Variants in JARID2 observed in about 807,000 individuals in gnomAD.
The protein encoded by JARID2 is jumonji and AT-rich interaction domain containing 2.
In JARID2, 21 loss-of-function variants were observed where a neutral mutation model predicts 125.6. The ratio of observed to expected loss-of-function variants is 0.17; its 90% CI spans 0.12 to 0.24. The LOEUF is 0.24. JARID2 is among the 10% of genes least tolerant of loss of function. The probability of loss-of-function intolerance (pLI) is 1.00; values close to 1 mark genes in which losing one functional copy is unlikely to be tolerated. For synonymous variants in JARID2, 736 were observed against 661.6 expected (o/e 1.11, Z -1.73); for missense variants, 1,303 against 1,639.6 (o/e 0.79, Z 3.55).
intron 1 of JARID2, among the ~76,000 whole-genome samples, chr6:15,298,844 T>C (rs985757170): frequency 1.3e-5 from 2 of 152,034 alleles, no homozygotes; most frequent in Non-Finnish European, 2.9e-5. Context: ...CTCAGTATAG[T>C]TTACATCTTT....
intron 3 of JARID2, among the ~76,000 whole-genome samples, chr6:15,422,358 C>T (rs1018145384): frequency 6.6e-6 from 1 of 152,146 alleles, no homozygotes; most frequent in Non-Finnish European, 1.5e-5. Flanking sequence ...GGAAATCTTC[C>T]AAGTGTGGGA....
At chr6:15,321,658 T>A (rs1051004979) in intron 1 of JARID2, among the ~76,000 whole-genome samples, 3 of 152,152 alleles carry the variant, frequency 2.0e-5, no homozygotes, top group Non-Finnish European at 4.4e-5. Context: ...TGACTCTTCT[T>A]TGGGTCAGTG....
At chr6:15,348,217 G>C (rs1051312364) in intron 1 of JARID2, among the ~76,000 whole-genome samples, 1 of 151,196 alleles carries the variant, frequency 6.6e-6, no homozygotes, top group African/African-American at 2.4e-5. Context: ...TCAGCCTCCC[G>C]AATAGCTGGG....
chr6:15,433,713 C>G (rs1158114108), intron 3 of JARID2, among the ~76,000 whole-genome samples: 1 of 152,150 alleles, frequency 6.6e-6, no homozygotes, highest in Non-Finnish European at 1.5e-5. Context: ...ACATCAATTG[C>G]ATCATACAGG....
intron 1 of JARID2, among the ~76,000 whole-genome samples, chr6:15,290,935 T>A (rs1761184482): frequency 6.6e-6 from 1 of 152,006 alleles, no homozygotes; most frequent in Admixed American, 6.6e-5. Flanking sequence ...TTTGGATGTT[T>A]AAAAATATTT....
intron 5 of JARID2, among the ~76,000 whole-genome samples, chr6:15,471,962 G>A (rs1435519692): frequency 1.3e-5 from 2 of 151,682 alleles, no homozygotes; most frequent in East Asian, 3.9e-4. Context: ...AAAATCTTAG[G>A]AGATTCTACT....
At position 15,501,360 on chromosome 6, in the gene JARID2, A is replaced by G. The variant is rs781115380; in HGVS notation, c.2399A>G (p.Glu800Gly). 6.3e-7 allele frequency: 1 copy of G among 1,591,042 alleles called. No individual in the cohort carries two copies. Among genetic ancestry groups the G allele is most frequent in the African/African-American group, 1.3e-5 (1 of 74,082 alleles). Residue 800 changes from glutamate (E) to glycine (G), a missense_variant, in exon 8 of 18, where the codon GAG (glutamate) becomes GGG (glycine). Glu to Gly is a moderately conservative substitution (Grantham distance 98). Coordinates refer to ENST00000341776, the MANE Select transcript of JARID2 (RefSeq NM_004973.4). ...CAGGAAAAAGAAGTGGTCAAGGAAG[A>G]GGAGGAGGACAAAGGCGTCCTCAAT... ...FAQEKEVVKEEEEDKGVLNDF... is the reference protein window; with the variant it reads ...FAQEKEVVKEGEEDKGVLNDF...
intron 4 of JARID2, among the ~76,000 whole-genome samples, chr6:15,465,991 A>C (rs1385836841): frequency 6.6e-6 from 1 of 151,824 alleles, no homozygotes; most frequent in Non-Finnish European, 1.5e-5. Flanking sequence ...TTTAGTAGAG[A>C]CGGGGTTTCA....
chr6:15,290,004 C>T (rs751889315), intron 1 of JARID2, among the ~76,000 whole-genome samples: 5 of 152,172 alleles, frequency 3.3e-5, no homozygotes, highest in Admixed American at 6.5e-5. Context: ...TAGTGAGCTT[C>T]TATTGCTGTA....
intron 2 of JARID2, among the ~76,000 whole-genome samples, chr6:15,380,974 A>G (rs1477193490): frequency 6.6e-6 from 1 of 152,036 alleles, no homozygotes; most frequent in Non-Finnish European, 1.5e-5. Context: ...TTTGCTGGAA[A>G]CTTTCAGGTC....
At chr6:15,286,218 G>A (rs963523043) in intron 1 of JARID2, among the ~76,000 whole-genome samples, 1 of 151,158 alleles carries the variant, frequency 6.6e-6, no homozygotes. Context: ...TAGAATGTGA[G>A]TTAGAATAGC....
intron 1 of JARID2, among the ~76,000 whole-genome samples, chr6:15,272,932 C>A (rs925181619): frequency 5.3e-5 from 8 of 152,190 alleles, no homozygotes; most frequent in Non-Finnish European, 5.9e-5. Context: ...CTTTAAAAAT[C>A]ATTCTCTAAA....
At chr6:15,518,721 ATCAGCTTGCT>A (rs1417210067) in intron 17 of JARID2, among the ~76,000 whole-genome samples, 2 of 152,186 alleles carry the variant, frequency 1.3e-5, no homozygotes, top group African/African-American at 4.8e-5. Context: ...ACCTCAGGTG[ATCAGCTTGCT>A]TCAGCCTCCC....
Position 15,513,353 on chromosome 6 carries a change from A to G in JARID2, c.3381A>G (p.Arg1127=). Residue 1127 remains arginine (R), a synonymous_variant, in exon 16 of 18, where the codon CGA becomes CGG. Transcript: ENST00000341776. The stretch of plus-strand genomic sequence containing the variant: ...TGGCGGACGGGAAGAAAAAGCCTCG[A>G]AAGTGGCTGCAGTTGGAGACGTCAG... ...STVADGKKKP[R]KWLQLETSER... The G allele has an allele frequency of 1.9e-6, 3 of 1,613,502 alleles. No homozygotes were observed. The highest frequency in any genetic ancestry group is 2.5e-6 in the Non-Finnish European group (3 of 1,179,858).
intron 5 of JARID2, among the ~76,000 whole-genome samples, chr6:15,473,517 C>G (rs796532295): frequency 3.4e-4 from 6 of 17,412 alleles, no homozygotes; most frequent in African/African-American, 1.1e-3. Flanking sequence ...TGTGCGTGCC[C>G]CCCCCCCCCC....
chr6:15,278,161 G>C (rs1467133582), intron 1 of JARID2, among the ~76,000 whole-genome samples: 1 of 152,052 alleles, frequency 6.6e-6, no homozygotes, highest in Non-Finnish European at 1.5e-5. Context: ...GAACCCAGGA[G>C]GTGGAGGTTG....
chr6:15,282,416 C>G (rs1760787647), intron 1 of JARID2, among the ~76,000 whole-genome samples: 1 of 152,130 alleles, frequency 6.6e-6, no homozygotes, highest in Non-Finnish European at 1.5e-5. Flanking sequence ...TCTTAATTTG[C>G]ATTTCTCTGT....
intron 3 of JARID2, among the ~76,000 whole-genome samples, chr6:15,425,755 A>G (rs951709133): frequency 2.6e-5 from 4 of 152,230 alleles, no homozygotes; most frequent in Non-Finnish European, 4.4e-5. Flanking sequence ...AGCATTCTGT[A>G]ATAGAAGCCT....
At chr6:15,333,815 T>C (rs1762794872) in intron 1 of JARID2, among the ~76,000 whole-genome samples, 1 of 152,220 alleles carries the variant, frequency 6.6e-6, no homozygotes, top group African/African-American at 2.4e-5. Flanking sequence ...GCATTATGCA[T>C]GATCAGGAAT....
Sources: gnomAD v4.1 joint callset for allele counts (sites outside exome capture counted in the v4.1 genomes callset) on GRCh38, gnomAD v4.1.1 for gene constraint, MANE v1.5 for transcripts, NCBI Gene and HGNC (gene_info 2026-07-23, HGNC 2026-07-21) for gene names.